Variants in KIAA1549 observed in about 807,000 individuals in gnomAD.
KIAA1549 encodes UPF0606 protein KIAA1549.
Under a neutral mutation model 156.4 loss-of-function variants are expected in KIAA1549, and 70 were observed. That is an observed-to-expected ratio of 0.45 (90% CI 0.37 to 0.55). KIAA1549 has a LOEUF of 0.55. Among genes scored for constraint, KIAA1549 ranks in the 20% least tolerant of loss-of-function variants. KIAA1549 has a pLI of 0.00. For missense variants in KIAA1549, 2,428 were observed against 2,540.9 expected (o/e 0.96, Z 0.96); for synonymous variants, 1,103 against 1,066.4 (o/e 1.03, Z -0.67).
At chr7:138,964,631 A>G (rs1480035318) in intron 1 of KIAA1549, among the ~76,000 whole-genome samples, 1 of 152,206 alleles carries the variant, frequency 6.6e-6, no homozygotes. Context: ...AACCTTATTC[A>G]AAGGCCCAAA....
In KIAA1549 at chr7:138,868,404, G is replaced by C. The variant is rs528225518; in HGVS notation, c.4776-276C>G. Reference sequence around the variant, plus strand: ...AGTCAGTGGGAGCTATTAGTCCCATGGGGCTAGAACTAGGTCTTTTTTATT... The same window carrying C: ...AGTCAGTGGGAGCTATTAGTCCCATCGGGCTAGAACTAGGTCTTTTTTATT... On this transcript the variant is annotated intron_variant, in intron 14 of 19. Transcript: ENST00000422774. Among the ~76,000 whole-genome samples the C allele has an allele frequency of 2.6e-5, 4 of 152,282 alleles. No individual in the cohort carries two copies. The South Asian group carries it at 8.3e-4, about 32-fold the overall frequency.
At chr7:138,921,424 C>A (rs1464041589) in intron 1 of KIAA1549, among the ~76,000 whole-genome samples, 1 of 152,338 alleles carries the variant, frequency 6.6e-6, no homozygotes, top group African/African-American at 2.4e-5. Flanking sequence ...TTATGTATTA[C>A]GTGCTCCCAA....
intron 1 of KIAA1549, among the ~76,000 whole-genome samples, chr7:138,968,011 T>C (rs1414986348): frequency 6.6e-6 from 1 of 152,182 alleles, no homozygotes; most frequent in Non-Finnish European, 1.5e-5. Context: ...CCACTCCTGC[T>C]TCCCTACCAG....
At position 138,918,578 on chromosome 7, in the gene KIAA1549, C is replaced by T. The variant is rs998595979; in HGVS notation, c.1048G>A (p.Ala350Thr). ...TGTGTCCTGCTGAATGCAAGGGCTG[C>T]GTGCGATGCAGTCACAGTGGGGTAT... is the stretch of plus-strand genomic sequence containing the variant. ...RTYPTVTASH[A>T]ALAFSRTHSP... Residue 350 changes from alanine to threonine, a missense_variant, in exon 2 of 20, where the codon GCA becomes ACA. This residue lies in a region of KIAA1549 where 893 missense variants were observed against 847.9 expected (regional missense o/e 1.05). Coordinates refer to ENST00000422774, the MANE Select transcript of KIAA1549 (RefSeq NM_001164665.2). This position sits in a 1 kb window ranked among gnomAD's most constrained non-coding sequence, Gnocchi z 4.2. The T allele has an allele frequency of 6.2e-6, 10 of 1,613,906 alleles. No individual in the cohort carries two copies. Among genetic ancestry groups the T allele is most frequent in the African/African-American group, 2.7e-5 (2 of 74,934 alleles).
chr7:138,943,699 T>A (rs1378053834), intron 1 of KIAA1549, among the ~76,000 whole-genome samples: 3 of 151,798 alleles, frequency 2.0e-5, no homozygotes, highest in Admixed American at 1.3e-4. Flanking sequence ...AATACAAAAA[T>A]TTAGCCGGGT....
At chr7:138,974,785 G>T (rs1172383070) in intron 1 of KIAA1549, among the ~76,000 whole-genome samples, 1 of 149,846 alleles carries the variant, frequency 6.7e-6, no homozygotes, top group Admixed American at 6.7e-5. Flanking sequence ...CAGGTCTAGG[G>T]GACAATTCTA....
chr7:138,968,105 G>C (rs1278520306), intron 1 of KIAA1549, among the ~76,000 whole-genome samples: 1 of 152,140 alleles, frequency 6.6e-6, no homozygotes, highest in African/African-American at 2.4e-5. Context: ...ACCAAACACT[G>C]CATGTTCTCA....
At chr7:138,969,194 G>C (rs1814140068) in intron 1 of KIAA1549, among the ~76,000 whole-genome samples, 1 of 152,186 alleles carries the variant, frequency 6.6e-6, no homozygotes, top group Admixed American at 6.5e-5. Flanking sequence ...CAGTTCCACA[G>C]TGTTGAGTAT....
At chr7:138,938,288 G>T (rs56314591) in intron 1 of KIAA1549, among the ~76,000 whole-genome samples, 13,978 of 152,222 alleles carry the variant, frequency 0.092, 898 homozygotes, top group African/African-American at 0.17. Flanking sequence ...CCAGTCCAAG[G>T]TATTTTGTTA....
At chr7:138,848,515 C>A (rs13224974) in intron 17 of KIAA1549, among the ~76,000 whole-genome samples, 6 of 152,142 alleles carry the variant, frequency 3.9e-5, no homozygotes, top group African/African-American at 1.4e-4. Flanking sequence ...GGAAAGAAAT[C>A]CAATGTGGTT....
intron 1 of KIAA1549, among the ~76,000 whole-genome samples, chr7:138,961,289 G>C (rs929427557): frequency 6.6e-6 from 1 of 152,210 alleles, no homozygotes; most frequent in Non-Finnish European, 1.5e-5. Context: ...AGATCTTGGC[G>C]TTCTTCTTTT....
chr7:138,934,907 CT>C (rs1392506784), intron 1 of KIAA1549, among the ~76,000 whole-genome samples: 1 of 152,202 alleles, frequency 6.6e-6, no homozygotes, highest in Non-Finnish European at 1.5e-5. Flanking sequence ...AAGCACAGCT[CT>C]TCAGCACTGG....
intron 15 of KIAA1549, among the ~76,000 whole-genome samples, chr7:138,865,705 G>A (rs1406520527): frequency 6.6e-6 from 1 of 152,042 alleles, no homozygotes; most frequent in African/African-American, 2.4e-5. Flanking sequence ...CTCTGCTAAG[G>A]AAAAAAGGAA....
chr7:138,941,212 A>T (rs111322234), intron 1 of KIAA1549, among the ~76,000 whole-genome samples: 1 of 152,238 alleles, frequency 6.6e-6, no homozygotes, highest in Non-Finnish European at 1.5e-5. Flanking sequence ...TAGGAGTTCA[A>T]TACAAAGATG....
Position 138,831,552 on chromosome 7 carries a change from A to C in KIAA1549, c.*6354T>G, listed in dbSNP as rs540372146. ...TAGAAACATAAAACCGACAAATAGA[A>C]GGGAGGGGCCGATTATTAAATCGTA... On this transcript the variant is annotated 3_prime_UTR_variant, in exon 20 of 20. Transcript: ENST00000422774. The C allele has an allele frequency of 6.2e-5, 14 of 225,118 alleles. No homozygotes were observed. Among genetic ancestry groups the C allele is most frequent in the African/African-American group, 2.2e-4 (10 of 45,032 alleles). The allele number at this position is 225,118 out of a possible 1,614,324, so 13.9% of individuals were successfully genotyped here.
intron 1 of KIAA1549, among the ~76,000 whole-genome samples, chr7:138,980,558 G>C (rs1814514672): frequency 6.6e-6 from 1 of 152,232 alleles, no homozygotes; most frequent in Non-Finnish European, 1.5e-5. Context: ...CGCTTTCCAA[G>C]AGGTTTTCTT....
chr7:138,910,308 C>T (rs768743763), intron 4 of KIAA1549, among the ~76,000 whole-genome samples: 2 of 151,958 alleles, frequency 1.3e-5, no homozygotes, highest in African/African-American at 2.4e-5. Flanking sequence ...GAGGCCAAGA[C>T]AGGAGGATCG....
chr7:138,979,881 T>G (rs533417850), intron 1 of KIAA1549, among the ~76,000 whole-genome samples: 1 of 152,348 alleles, frequency 6.6e-6, no homozygotes, highest in Non-Finnish European at 1.5e-5. Flanking sequence ...GGGAAAGTGA[T>G]GACTGTGACC....
intron 5 of KIAA1549, 69 bp from the exon 6 acceptor site, chr7:138,907,171 C>T (rs1812031518): frequency 3.9e-6 from 5 of 1,268,322 alleles, no homozygotes; most frequent in Non-Finnish European, 5.2e-6. Flanking sequence ...CATGATTTCT[C>T]TCTCACAGGT....
Sources: allele counts gnomAD v4.1 joint callset (sites outside exome capture counted in the v4.1 genomes callset), GRCh38; gene constraint gnomAD v4.1.1; regional missense constraint gnomAD v4.1.1; non-coding constraint Gnocchi (gnomAD v3.1); transcripts MANE v1.5; gene names NCBI Gene and HGNC (gene_info 2026-07-23, HGNC 2026-07-21).